Variants in LMF1 observed in about 807,000 individuals in gnomAD.
LMF1 encodes lipase maturation factor 1.
Under a neutral mutation model 60.6 loss-of-function variants are expected in LMF1, and 68 were observed. The ratio of observed to expected loss-of-function variants is 1.12; its 90% CI spans 0.92 to 1.37. The LOEUF (loss-of-function observed/expected upper bound fraction) is 1.37, where lower values mean the gene tolerates loss of function less well. LMF1 is among the 40% of genes most tolerant of loss of function. The probability of loss-of-function intolerance (pLI) is 0.00; values close to 1 mark genes in which losing one functional copy is unlikely to be tolerated. For missense variants in LMF1, 948 were observed against 767.2 expected (o/e 1.24, Z -2.78); for synonymous variants, 418 against 324.7 (o/e 1.29, Z -3.09).
rs924548821 is a variant in LMF1, at chr16:892,925, T to C, written c.729+82A>G. 1.6e-5 allele frequency: 17 copies of C among 1,062,874 alleles called. No homozygotes were observed. The South Asian group carries it at 2.5e-4, about 16-fold the overall frequency. 65.8% of individuals were successfully genotyped at this position (1,062,874 alleles called of 1,614,324 possible). A position where few individuals can be genotyped will look rare whatever the true frequency, so the allele number is the denominator to read the frequency against. ...TGTGATGCGACAGCTCACCAGGGTG[T>C]GCAGGACTGAGCCCCGCCAAGAGTG... On this transcript the variant is annotated intron_variant, in intron 5 of 10. Transcript: ENST00000262301.
At position 976,295 on chromosome 16, in the gene LMF1, G is replaced by A. The variant is rs576092359; in HGVS notation, c.-135+4850C>T. ...TCTAGGGGATGAGGGCCCAGAACGA[G>A]GCTGGGGTCTGGGGTTCAGTGGAGC... On this transcript the variant is annotated intron_variant, in intron 1 of 6. Transcript: ENST00000570014. 2.2e-5 allele frequency: 10 copies of A among 452,202 alleles called. No individual in the cohort carries two copies. In the East Asian group the frequency reaches 7.0e-4, roughly 32 times the overall value. 28.0% of individuals were successfully genotyped at this position (452,202 alleles called of 1,614,324 possible). A position where few individuals can be genotyped will look rare whatever the true frequency, so the allele number is the denominator to read the frequency against.
At position 897,487 on chromosome 16, in the gene LMF1, T is replaced by C. The variant is rs1012957696; in HGVS notation, c.664-4415A>G. On this transcript the variant is annotated intron_variant, in intron 4 of 10. Coordinates refer to ENST00000262301, the MANE Select transcript of LMF1 (RefSeq NM_022773.4). This position sits in a 1 kb window ranked among gnomAD's most constrained non-coding sequence, Gnocchi z 4.3. ...GTCCCCTCGCCTGTATCAGTGGCCC[T>C]TCCTCCCCACCTGTAAACACAGGGA... Among the ~76,000 whole-genome samples the C allele has an allele frequency of 6.6e-6, 1 of 152,174 alleles. No homozygotes were observed. The highest frequency in any genetic ancestry group is 1.5e-5 in the Non-Finnish European group (1 of 68,022).
At chr16:943,269 G>A (rs1217949665) in intron 2 of LMF1, among the ~76,000 whole-genome samples, 1 of 151,756 alleles carries the variant, frequency 6.6e-6, no homozygotes, top group East Asian at 1.9e-4. Flanking sequence ...TACTCAGGAG[G>A]CTGAGGCAGG....
chr16:916,578 G>A (rs931319532), intron 3 of LMF1, among the ~76,000 whole-genome samples: 11 of 152,212 alleles, frequency 7.2e-5, no homozygotes, highest in East Asian at 3.8e-4. Flanking sequence ...TTCGGCTCTC[G>A]CTGCGCGCCA....
intron 4 of LMF1, among the ~76,000 whole-genome samples, chr16:904,391 G>A: frequency 9.3e-6 from 1 of 107,784 alleles, no homozygotes; most frequent in Non-Finnish European, 1.8e-5. Flanking sequence ...GGTGACCTCT[G>A]CATCGCCCAC....
intron 1 of LMF1, among the ~76,000 whole-genome samples, chr16:956,359 C>A (rs1239422327): frequency 2.0e-5 from 3 of 152,078 alleles, no homozygotes; most frequent in Non-Finnish European, 4.4e-5. Flanking sequence ...GAGATGCTGA[C>A]AGGTGAGAGA....
At chr16:865,376 A>G (rs1405224681) in intron 10 of LMF1, among the ~76,000 whole-genome samples, 1 of 152,152 alleles carries the variant, frequency 6.6e-6, no homozygotes, top group African/African-American at 2.4e-5. Flanking sequence ...TTTGAGATTG[A>G]GTCTCGCTCT....
At chr16:907,590 C>T (rs2071002455) in intron 4 of LMF1, among the ~76,000 whole-genome samples, 3 of 151,970 alleles carry the variant, frequency 2.0e-5, no homozygotes. Flanking sequence ...GCATCTGAAA[C>T]CCTCCAGGCC....
In LMF1 at chr16:920,472, CT is replaced by C. The variant is rs534682299; in HGVS notation, c.515-9394del. 1.6e-4 allele frequency among the ~76,000 whole-genome samples: 24 copies of C among 152,344 alleles called. No homozygotes were observed. In the South Asian group the frequency reaches 4.8e-3, roughly 30 times the overall value. On this transcript the variant is annotated intron_variant, in intron 3 of 10. Transcript: ENST00000262301. ...TAAAATCTCCAGAGCACAAATGCCC[CT>C]GGCTGAGCTCAGCAGCAGAGTGAAG...
At chr16:924,688 G>C (rs1433783474) in intron 3 of LMF1, among the ~76,000 whole-genome samples, 1 of 152,196 alleles carries the variant, frequency 6.6e-6, no homozygotes. Flanking sequence ...TTCATTAGCA[G>C]AGAAGAAGAG....
intron 2 of LMF1, among the ~76,000 whole-genome samples, chr16:951,399 C>T (rs1238042596): frequency 2.0e-5 from 3 of 152,248 alleles, no homozygotes; most frequent in East Asian, 1.9e-4. Context: ...AAAGCTGAAG[C>T]GACTTCAGAT....
At position 917,744 on chromosome 16, in the gene LMF1, G is replaced by A. The variant is rs183655963; in HGVS notation, c.515-6665C>T. Among the ~76,000 whole-genome samples, 472 of 152,342 alleles carry A rather than the reference G, an allele frequency of 3.1e-3. 3 individuals carry two copies. The highest frequency in any genetic ancestry group is 0.011 in the African/African-American group (443 of 41,596). On this transcript the variant is annotated intron_variant, in intron 3 of 10. Coordinates refer to ENST00000262301, the MANE Select transcript of LMF1 (RefSeq NM_022773.4). ...GCCCCACCCCAGAGGTGTCCCAGGG[G>A]ACAGGAGTACTGCTGTGCTCGCCCG...
intron 5 of LMF1, 126 bp from the exon 6 acceptor site, chr16:879,863 T>C (rs2070113420): frequency 2.1e-6 from 2 of 943,130 alleles, no homozygotes; most frequent in South Asian, 3.4e-5. Flanking sequence ...CCGGCCCGCC[T>C]GGCCCTGCAC....
At chr16:910,787 G>A (rs575593099) in intron 4 of LMF1, 144 bp downstream of exon 4, 1 of 955,664 alleles carries the variant, frequency 1.0e-6, no homozygotes, top group Non-Finnish European at 1.5e-6. Flanking sequence ...AGGGGCAGAA[G>A]AGTGCGCAGC....
rs529012537 is a variant in LMF1, at chr16:899,517, T to C, written c.664-6445A>G. 171 of 152,328 alleles carry C rather than the reference T, an allele frequency of 1.1e-3. 1 individual carries two copies. Among genetic ancestry groups the C allele is most frequent in the African/African-American group, 4.0e-3 (165 of 41,574 alleles). 9.4% of individuals were successfully genotyped at this position (152,328 alleles called of 1,614,324 possible). A position where few individuals can be genotyped will look rare whatever the true frequency, so the allele number is the denominator to read the frequency against. ...GCTGCCCAGGACCAGGGCGGGCCTG[T>C]CAGGGAAACGGCAGCACATCTGCCT... is the stretch of plus-strand genomic sequence containing the variant. On this transcript the variant is annotated intron_variant, in intron 4 of 10. Transcript: ENST00000262301.
intron 7 of LMF1, 124 bp from the exon 8 acceptor site, chr16:871,006 C>T (rs529511998): frequency 2.8e-5 from 40 of 1,408,476 alleles, no homozygotes; most frequent in East Asian, 5.0e-5. Flanking sequence ...GAGCAGCACC[C>T]GAACTCACAC....
At position 889,542 on chromosome 16, in the gene LMF1, CG is replaced by C. The variant is rs1475709857; in HGVS notation, c.729+3464del. On this transcript the variant is annotated intron_variant, in intron 5 of 10. Coordinates refer to ENST00000262301, the MANE Select transcript of LMF1 (RefSeq NM_022773.4). ...TCTTGCTCTGTGCTGCTGAAACTTCCGGAGGTTTTCAGGCTCCTGAAGAGGC... is the reference window on the plus strand; with the variant it reads ...TCTTGCTCTGTGCTGCTGAAACTTCCGAGGTTTTCAGGCTCCTGAAGAGGC... 2.9e-4 allele frequency among the ~76,000 whole-genome samples: 44 copies of C among 152,260 alleles called. 1 individual carries two copies. The highest frequency in any genetic ancestry group is 9.1e-4 in the African/African-American group (38 of 41,542).
At position 978,160 on chromosome 16, in the gene LMF1, ACACAC is replaced by A. The variant is rs1172306415; in HGVS notation, c.-135+2980_-135+2984del. Reference sequence around the variant, plus strand: ...ACACACATACATCATACACACACACACACACCACACACCATACACGCACCCCACAC... The same window carrying A: ...ACACACATACATCATACACACACACACACACACCATACACGCACCCCACAC... On this transcript the variant is annotated intron_variant, in intron 1 of 6. Transcript: ENST00000570014. Among the ~76,000 whole-genome samples the A allele has an allele frequency of 4.7e-5, 7 of 149,942 alleles. No individual in the cohort carries two copies. In the East Asian group the frequency reaches 1.2e-3, roughly 26 times the overall value.
chr16:861,018 T>C (rs2069447332), intron 10 of LMF1, among the ~76,000 whole-genome samples: 1 of 121,666 alleles, frequency 8.2e-6, no homozygotes, highest in South Asian at 2.3e-4. Flanking sequence ...CTTGCTGGGT[T>C]TTTTTTTTAA....
Sources: gnomAD v4.1 joint callset for allele counts (sites outside exome capture counted in the v4.1 genomes callset) on GRCh38, gnomAD v4.1.1 for gene constraint, Gnocchi (gnomAD v3.1) non-coding constraint, MANE v1.5 for transcripts, NCBI Gene and HGNC (gene_info 2026-07-23, HGNC 2026-07-21) for gene names.